The following GPHN variants were observed in gnomAD, a reference collection of about 807,000 sequenced individuals.
GPHN encodes gephyrin.
In GPHN, 17 loss-of-function variants were observed where a neutral mutation model predicts 95.5. That is an observed-to-expected ratio of 0.18 (90% CI 0.12 to 0.27). The LOEUF is 0.27. Ranked by LOEUF, GPHN falls within the 10% of genes least tolerant of loss-of-function variation. The pLI is 1.00. For synonymous variants in GPHN, 320 were observed against 322.5 expected (o/e 0.99, Z 0.08); for missense variants, 660 against 978.1 (o/e 0.67, Z 4.34).
At chr14:66,806,990 A>T (rs143814735) in intron 3 of GPHN, among the ~76,000 whole-genome samples, 1 of 152,292 alleles carries the variant, frequency 6.6e-6, no homozygotes, top group Admixed American at 6.5e-5. Context: ...CACACTATTG[A>T]TAAAGACATA....
the GPHN span, among the ~76,000 whole-genome samples, chr14:67,220,229 A>T: frequency 6.6e-6 from 1 of 152,164 alleles, no homozygotes; most frequent in African/African-American, 2.4e-5. Flanking sequence ...TGGGCTCAGG[A>T]GCTCAAGACC....
the GPHN span, among the ~76,000 whole-genome samples, chr14:67,373,263 C>G: frequency 1.3e-5 from 2 of 152,296 alleles, no homozygotes; most frequent in South Asian, 4.1e-4. Context: ...GGTTAAATGA[C>G]TGTTCTTTTT....
At chr14:66,833,609 C>T (rs1048074129) in intron 4 of GPHN, among the ~76,000 whole-genome samples, 5 of 151,480 alleles carry the variant, frequency 3.3e-5, no homozygotes, top group Non-Finnish European at 7.4e-5. Flanking sequence ...CACATGAATA[C>T]ATTCCTCAGT....
the GPHN span, among the ~76,000 whole-genome samples, chr14:67,594,859 C>T: frequency 6.6e-6 from 1 of 152,172 alleles, no homozygotes; most frequent in East Asian, 1.9e-4. Flanking sequence ...GCTCAGAACA[C>T]TTACATTAGG....
chr14:67,217,489 T>C, the GPHN span, among the ~76,000 whole-genome samples: 2 of 152,210 alleles, frequency 1.3e-5, no homozygotes, highest in Non-Finnish European at 2.9e-5. Flanking sequence ...CATTTGCTCC[T>C]TACTTCTCTT....
intron 1 of GPHN, among the ~76,000 whole-genome samples, chr14:66,671,578 G>T (rs2066307685): frequency 6.6e-6 from 1 of 152,082 alleles, no homozygotes; most frequent in South Asian, 2.1e-4. Context: ...TATAATTTTA[G>T]ATTGATTACA....
chr14:67,513,961 G>A, the GPHN span, among the ~76,000 whole-genome samples: 1 of 152,118 alleles, frequency 6.6e-6, no homozygotes, highest in Admixed American at 6.5e-5. Flanking sequence ...CCACCCCCAA[G>A]GCAGGTTGCT....
intron 21 of GPHN, among the ~76,000 whole-genome samples, chr14:67,176,805 G>A (rs1432581922): frequency 6.6e-6 from 1 of 152,158 alleles, no homozygotes; most frequent in Non-Finnish European, 1.5e-5. Context: ...TTAGTCTTGG[G>A]AGGGTGTATG....
the GPHN span, chr14:67,727,120 G>C: frequency 2.5e-6 from 4 of 1,614,196 alleles, no homozygotes; most frequent in Middle Eastern, 1.7e-4. Context: ...GCTACAGCAG[G>C]GGTTTTGCCT....
At chr14:66,571,038 T>C (rs935512598) in intron 1 of GPHN, among the ~76,000 whole-genome samples, 9 of 152,188 alleles carry the variant, frequency 5.9e-5, no homozygotes, top group Non-Finnish European at 1.2e-4. Flanking sequence ...ATGGGGTGTA[T>C]TAGTCCGTTT....
chr14:67,445,574 A>ATTTTTTTT, the GPHN span, among the ~76,000 whole-genome samples: 2 of 98,674 alleles, frequency 2.0e-5, no homozygotes, highest in Non-Finnish European at 2.0e-5. Flanking sequence ...AAGAGAGGCA[A>ATTTTTTTT]TTCTTTTTTT....
chr14:67,205,152 C>T, the GPHN span: 1 of 1,435,960 alleles, frequency 7.0e-7, no homozygotes, highest in African/African-American at 1.4e-5. Flanking sequence ...ACCGAGATCA[C>T]ACTTCTTGGT....
At chr14:67,267,379 C>A in the GPHN span, among the ~76,000 whole-genome samples, 2 of 152,070 alleles carry the variant, frequency 1.3e-5, no homozygotes, top group Non-Finnish European at 2.9e-5. Context: ...CTGCCTCCCC[C>A]TCCCAAGTAG....
At chr14:67,187,819 G>A in the GPHN span, among the ~76,000 whole-genome samples, 10 of 152,036 alleles carry the variant, frequency 6.6e-5, no homozygotes, top group Admixed American at 3.9e-4. Context: ...CCATGAAACC[G>A]TCCCTAAATC....
At chr14:67,060,473 T>C (rs1482029445) in intron 11 of GPHN, among the ~76,000 whole-genome samples, 4 of 152,194 alleles carry the variant, frequency 2.6e-5, no homozygotes, top group Admixed American at 1.3e-4. Context: ...GTATTGTAAT[T>C]AGACCCCCTA....
At chr14:67,141,934 A>G (rs931819439) in intron 17 of GPHN, among the ~76,000 whole-genome samples, 21 of 152,264 alleles carry the variant, frequency 1.4e-4, no homozygotes, top group African/African-American at 5.1e-4. Flanking sequence ...TTGTGAGAAC[A>G]TATGCTGTCT....
chr14:67,727,102 C>T, the GPHN span: 1,247 of 1,614,184 alleles, frequency 7.7e-4, 14 homozygotes, highest in East Asian at 0.025. Flanking sequence ...ACCTCCAGAG[C>T]GAGAAGCGCT....
chr14:67,493,463 C>G, the GPHN span, among the ~76,000 whole-genome samples: 1 of 152,244 alleles, frequency 6.6e-6, no homozygotes, highest in East Asian at 1.9e-4. Flanking sequence ...CCCTGCTCTC[C>G]TTTGTTCAGT....
intron 10 of GPHN, among the ~76,000 whole-genome samples, chr14:67,043,132 T>C (rs1011178738): frequency 4.6e-5 from 7 of 152,202 alleles, no homozygotes; most frequent in African/African-American, 1.7e-4. Context: ...GATTTTGGGC[T>C]GAGACAGTGG....
Sources: gnomAD v4.1 joint callset for allele counts (sites outside exome capture counted in the v4.1 genomes callset) on GRCh38, gnomAD v4.1.1 for gene constraint, MANE v1.5 for transcripts, NCBI Gene and HGNC (gene_info 2026-07-23, HGNC 2026-07-21) for gene names.